The following WWOX variants were observed in gnomAD, a reference collection of about 807,000 sequenced individuals.
WWOX encodes the protein WW domain-containing oxidoreductase.
Under a neutral mutation model 46.2 loss-of-function variants are expected in WWOX, and 69 were observed. That is an observed-to-expected ratio of 1.49 (90% CI 1.23 to 1.82). The LOEUF (loss-of-function observed/expected upper bound fraction) is 1.82, where lower values mean the gene tolerates loss of function less well. WWOX is among the 40% of genes most tolerant of loss of function. The pLI is 0.00. For missense variants in WWOX, 919 were observed against 542.6 expected (o/e 1.69, Z -6.89); for synonymous variants, 359 against 202.6 (o/e 1.77, Z -6.56).
At chr16:78,706,819 A>G (rs1412838135) in intron 8 of WWOX, among the ~76,000 whole-genome samples, 1 of 151,718 alleles carries the variant, frequency 6.6e-6, no homozygotes, top group African/African-American at 2.4e-5. Context: ...TTTTTTGGAG[A>G]CAGATCTCAC....
chr16:78,568,378 A>G (rs1187428990), intron 8 of WWOX, among the ~76,000 whole-genome samples: 1 of 151,916 alleles, frequency 6.6e-6, no homozygotes, highest in South Asian at 2.1e-4. Context: ...TACTCAGACC[A>G]TTTAGAATCA....
intron 8 of WWOX, chr16:78,891,796 G>C (rs1413831893): frequency 6.6e-6 from 1 of 152,098 alleles, no homozygotes; most frequent in Non-Finnish European, 1.5e-5. Context: ...GCACTGAAAT[G>C]TCCCAGTGAG....
At chr16:78,490,066 T>A (rs1288773536) in intron 8 of WWOX, among the ~76,000 whole-genome samples, 5 of 152,192 alleles carry the variant, frequency 3.3e-5, no homozygotes, top group African/African-American at 1.2e-4. Flanking sequence ...TAATATTAGT[T>A]TATTAGAGAC....
chr16:78,645,499 A>G (rs1021842009), intron 8 of WWOX, among the ~76,000 whole-genome samples: 32 of 152,280 alleles, frequency 2.1e-4, no homozygotes, highest in African/African-American at 7.5e-4. Flanking sequence ...CAGGATGTCC[A>G]AGAAGCATGG....
At chr16:78,779,595 A>G (rs116595269) in intron 8 of WWOX, among the ~76,000 whole-genome samples, 8 of 152,218 alleles carry the variant, frequency 5.3e-5, no homozygotes, top group Non-Finnish European at 1.2e-4. Flanking sequence ...TGAATAGAGT[A>G]TATTACCCAC....
At chr16:78,308,369 G>A (rs548733997) in intron 5 of WWOX, among the ~76,000 whole-genome samples, 2 of 152,134 alleles carry the variant, frequency 1.3e-5, no homozygotes, top group Admixed American at 1.3e-4. Context: ...GAGGGGGTTG[G>A]ATATGACTCA....
At chr16:78,681,804 A>G (rs2047736525) in intron 8 of WWOX, among the ~76,000 whole-genome samples, 1 of 152,110 alleles carries the variant, frequency 6.6e-6, no homozygotes, top group South Asian at 2.1e-4. Context: ...TTGGAAAGTT[A>G]CTCTCTAAGT....
At chr16:78,286,221 C>A (rs901460918) in intron 5 of WWOX, among the ~76,000 whole-genome samples, 4 of 152,196 alleles carry the variant, frequency 2.6e-5, no homozygotes, top group African/African-American at 9.7e-5. Context: ...TGGATGCAGC[C>A]AGCGTAATTA....
At chr16:78,498,969 G>T (rs889840027) in intron 8 of WWOX, among the ~76,000 whole-genome samples, 7 of 152,164 alleles carry the variant, frequency 4.6e-5, no homozygotes, top group African/African-American at 1.7e-4. Context: ...ATATTATGAA[G>T]GCTCAAGGAA....
intron 8 of WWOX, among the ~76,000 whole-genome samples, chr16:79,155,965 T>G (rs547887928): frequency 6.6e-6 from 1 of 152,132 alleles, no homozygotes; most frequent in South Asian, 2.1e-4. Flanking sequence ...AAGGAAATAC[T>G]TAAAGCACCT....
intron 8 of WWOX, among the ~76,000 whole-genome samples, chr16:78,764,682 C>G (rs758588105): frequency 1.3e-5 from 2 of 149,976 alleles, no homozygotes; most frequent in Admixed American, 1.4e-4. Context: ...CAGTCTAAGC[C>G]TCAGTTTCCT....
At chr16:78,806,196 C>G (rs1179828909) in intron 8 of WWOX, among the ~76,000 whole-genome samples, 1 of 152,110 alleles carries the variant, frequency 6.6e-6, no homozygotes. Flanking sequence ...TGGTGTTTTT[C>G]TACAACCAAG....
chr16:78,727,940 C>A (rs1415132365), intron 8 of WWOX, among the ~76,000 whole-genome samples: 1 of 151,280 alleles, frequency 6.6e-6, no homozygotes. Context: ...TGATATTTAT[C>A]ATACTAGAAA....
intron 3 of WWOX, chr16:78,111,671 A>C (rs2032498689): frequency 6.5e-6 from 1 of 153,188 alleles, no homozygotes; most frequent in African/African-American, 2.4e-5. Context: ...CGGAGGCCTA[A>C]ACCCCTCCCT....
At chr16:78,265,010 T>TC (rs2079332290) in intron 5 of WWOX, 1 of 145,306 alleles carries the variant, frequency 6.9e-6, no homozygotes, top group Admixed American at 6.8e-5. Context: ...TCTTTTTTTT[T>TC]TTTTTTTTCA....
chr16:78,716,741 G>C (rs930290854), intron 8 of WWOX, among the ~76,000 whole-genome samples: 29 of 152,112 alleles, frequency 1.9e-4, no homozygotes, highest in African/African-American at 6.3e-4. Flanking sequence ...AGAAAAAAAA[G>C]CGTCTCTATT....
intron 8 of WWOX, among the ~76,000 whole-genome samples, chr16:79,021,902 T>G (rs1311627829): frequency 6.6e-6 from 1 of 152,208 alleles, no homozygotes; most frequent in East Asian, 1.9e-4. Flanking sequence ...CAGGATGAGC[T>G]GGGACCAACA....
chr16:79,212,193 TCTC>T lies in WWOX; in HGVS notation c.*400_*402del, dbSNP rs1431533560. On this transcript the variant is annotated 3_prime_UTR_variant, in exon 9 of 9. Coordinates refer to ENST00000566780, the MANE Select transcript of WWOX (RefSeq NM_016373.4). The stretch of plus-strand genomic sequence containing the variant: ...CACCACTGCAGCCGGGGGCTGGCCT[TCTC>T]CTACTTAGGGAAGAAAAAGCAAGTG... 3.4e-6 allele frequency: 5 copies of T among 1,463,078 alleles called. No individual in the cohort carries two copies. Among genetic ancestry groups the T allele is most frequent in the Admixed American group, 2.6e-5 (1 of 38,808 alleles). The allele number at this position is 1,463,078 out of a possible 1,614,324, so 90.6% of individuals were successfully genotyped here. A position where few individuals can be genotyped will look rare whatever the true frequency, so the allele number is the denominator to read the frequency against.
At chr16:78,296,296 T>C (rs2151863845) in intron 5 of WWOX, among the ~76,000 whole-genome samples, 1 of 152,146 alleles carries the variant, frequency 6.6e-6, no homozygotes, top group Admixed American at 6.5e-5. Context: ...TAATACTTTT[T>C]TACATTAAAA....
Sources: allele counts gnomAD v4.1 joint callset (sites outside exome capture counted in the v4.1 genomes callset), GRCh38; gene constraint gnomAD v4.1.1; transcripts MANE v1.5; gene names NCBI Gene and HGNC (gene_info 2026-07-23, HGNC 2026-07-21).